DLGAP1: variants seen among roughly 807,000 people sequenced by gnomAD.
DLGAP1 encodes disks large-associated protein 1.
DLGAP1 carries 11 observed loss-of-function variants against 90.8 expected under a neutral mutation model. The observed-to-expected ratio is 0.12, with a 90% CI of 0.08 to 0.20. The LOEUF is 0.20. Among genes scored for constraint, DLGAP1 ranks in the 10% least tolerant of loss-of-function variants. The pLI is 1.00. For synonymous variants in DLGAP1, 558 were observed against 540.7 expected, an observed-to-expected ratio of 1.03 and a Z score of -0.44; for missense variants, 1,050 against 1,333.8, an observed-to-expected ratio of 0.79 and a Z score of 3.31.
At chr18:4,371,527 G>A (rs150502144) in intron 1 of DLGAP1, among the ~76,000 whole-genome samples, 77 of 152,308 alleles carry the variant, frequency 5.1e-4, no homozygotes, top group African/African-American at 1.3e-3. Context: ...CACTTCAAAT[G>A]TTATTTGCTC....
chr18:4,101,987 T>C (rs1240408243), intron 2 of DLGAP1, among the ~76,000 whole-genome samples: 4 of 151,564 alleles, frequency 2.6e-5, no homozygotes, highest in African/African-American at 4.8e-5. Flanking sequence ...TTTTGTGTAT[T>C]AAAATTTCAG....
At chr18:3,514,231 C>T (rs767811239) in intron 10 of DLGAP1, among the ~76,000 whole-genome samples, 1 of 152,062 alleles carries the variant, frequency 6.6e-6, no homozygotes, top group South Asian at 2.1e-4. Flanking sequence ...CTCAGCCTCC[C>T]GAGTAGCTGG....
At chr18:3,531,600 A>G (rs897573278) in intron 10 of DLGAP1, among the ~76,000 whole-genome samples, 1 of 151,898 alleles carries the variant, frequency 6.6e-6, no homozygotes, top group Non-Finnish European at 1.5e-5. Flanking sequence ...TCTCTGCCTC[A>G]GCCTCCCGAG....
In DLGAP1 at chr18:4,204,502, G is replaced by A. The variant is rs552721159; in HGVS notation, c.-266-53215C>T. ...TCTAGCAGTTTTAACTGACAGGACT[G>A]TTGTGGTTTTTTTTTTGTTTTTGTT... On this transcript the variant is annotated intron_variant, in intron 1 of 12. Coordinates refer to ENST00000315677, the MANE Select transcript of DLGAP1 (RefSeq NM_004746.4). Among the ~76,000 whole-genome samples the A allele has an allele frequency of 2.8e-5, 4 of 144,886 alleles. No individual in the cohort carries two copies. The East Asian group carries it at 7.9e-4, about 29-fold the overall frequency.
intron 1 of DLGAP1, among the ~76,000 whole-genome samples, chr18:4,440,005 A>C (rs2083493156): frequency 6.6e-6 from 1 of 151,144 alleles, no homozygotes; most frequent in Non-Finnish European, 1.5e-5. Flanking sequence ...CTGTTGTCTC[A>C]GCTACTCGGG....
intron 12 of DLGAP1, among the ~76,000 whole-genome samples, chr18:3,500,162 G>C (rs1292722601): frequency 1.3e-5 from 2 of 152,138 alleles, no homozygotes; most frequent in Non-Finnish European, 2.9e-5. Context: ...GCCATGAAAA[G>C]TTGACACAGG....
chr18:4,168,359 T>C (rs1215921429), intron 1 of DLGAP1, among the ~76,000 whole-genome samples: 4 of 152,184 alleles, frequency 2.6e-5, no homozygotes, highest in Non-Finnish European at 5.9e-5. Context: ...TCAGCAAATA[T>C]TGCTGAAGCA....
intron 7 of DLGAP1, among the ~76,000 whole-genome samples, chr18:3,645,657 G>A (rs1476261421): frequency 6.6e-6 from 1 of 152,270 alleles, no homozygotes; most frequent in Non-Finnish European, 1.5e-5. Context: ...AGAGTTCCTA[G>A]GCTGACTTCT....
At chr18:4,118,403 C>T (rs1193685783) in intron 2 of DLGAP1, among the ~76,000 whole-genome samples, 1 of 152,128 alleles carries the variant, frequency 6.6e-6, no homozygotes, top group Non-Finnish European at 1.5e-5. Context: ...CCTGGCTTGC[C>T]TTTCCTTGTA....
rs140998972 is a variant in DLGAP1 at position 3,525,460 on chromosome 18, C to T, written c.2479+8734G>A. Among the ~76,000 whole-genome samples the T allele has an allele frequency of 3.6e-3, 543 of 152,214 alleles. 5 individuals carry two copies. Among genetic ancestry groups the T allele is most frequent in the African/African-American group, 0.012 (516 of 41,538 alleles). Reference sequence around the variant, plus strand: ...TGTCACCCAGGCTGGAGTGCAGTGGCGTGATCTCGGCTCACTGCAACCTCC... The same window carrying T: ...TGTCACCCAGGCTGGAGTGCAGTGGTGTGATCTCGGCTCACTGCAACCTCC... On this transcript the variant is annotated intron_variant, in intron 10 of 12. Transcript: ENST00000315677.
Position 4,035,040 on chromosome 18 carries a change from G to A in DLGAP1, c.-158-29839C>T, listed in dbSNP as rs538852098. 6.6e-4 allele frequency among the ~76,000 whole-genome samples: 101 copies of A among 152,292 alleles called. 1 individual carries two copies. Among genetic ancestry groups the A allele is most frequent in the African/African-American group, 2.1e-3 (89 of 41,552 alleles). ...TTTTATGGCTGCATAGTATTCCATGGTGTATATGTGCCGCATTTTCTTAAT... is the reference window on the plus strand; with the variant it reads ...TTTTATGGCTGCATAGTATTCCATGATGTATATGTGCCGCATTTTCTTAAT... On this transcript the variant is annotated intron_variant, in intron 2 of 12. Transcript: ENST00000315677.
At chr18:4,446,988 C>G (rs2144877637) in intron 1 of DLGAP1, among the ~76,000 whole-genome samples, 1 of 152,296 alleles carries the variant, frequency 6.6e-6, no homozygotes, top group Non-Finnish European at 1.5e-5. Flanking sequence ...GATATCATTT[C>G]ATATCCATAA....
chr18:3,600,947 T>C (rs1251860590), intron 7 of DLGAP1, among the ~76,000 whole-genome samples: 3 of 81,034 alleles, frequency 3.7e-5, no homozygotes, highest in African/African-American at 1.4e-4. Flanking sequence ...TAGATAGATA[T>C]ATAGATATAT....
At chr18:3,750,981 T>C (rs776504418) in intron 5 of DLGAP1, among the ~76,000 whole-genome samples, 2 of 152,238 alleles carry the variant, frequency 1.3e-5, no homozygotes, top group South Asian at 4.1e-4. Context: ...GTGGCTTTTA[T>C]ACTTCTCTGT....
intron 1 of DLGAP1, among the ~76,000 whole-genome samples, chr18:4,427,515 G>A (rs771695618): frequency 6.6e-6 from 1 of 152,112 alleles, no homozygotes; most frequent in Non-Finnish European, 1.5e-5. Flanking sequence ...CTTCAGGGAG[G>A]TTTTGTAAAT....
intron 1 of DLGAP1, among the ~76,000 whole-genome samples, chr18:4,188,214 CT>C (rs2077333465): frequency 6.6e-6 from 1 of 152,068 alleles, no homozygotes; most frequent in Non-Finnish European, 1.5e-5. Flanking sequence ...CATTACTTTT[CT>C]TTTATCTCTA....
chr18:3,543,257 G>A (rs1025505689), intron 9 of DLGAP1, among the ~76,000 whole-genome samples: 5 of 139,094 alleles, frequency 3.6e-5, no homozygotes, highest in Admixed American at 1.5e-4. Context: ...TGCAAGCTCC[G>A]CCTCCCGCGT....
At chr18:3,984,418 C>T (rs912120581) in intron 3 of DLGAP1, among the ~76,000 whole-genome samples, 1 of 152,178 alleles carries the variant, frequency 6.6e-6, no homozygotes, top group Non-Finnish European at 1.5e-5. Context: ...CAAGTCTGCA[C>T]TGACTAAGTC....
chr18:3,895,393 C>A (rs1762312380), intron 3 of DLGAP1, among the ~76,000 whole-genome samples: 1 of 151,300 alleles, frequency 6.6e-6, no homozygotes, highest in African/African-American at 2.4e-5. Flanking sequence ...GTAGAGGTAG[C>A]AAATCTACAT....
Sources: allele counts gnomAD v4.1 joint callset (sites outside exome capture counted in the v4.1 genomes callset), GRCh38; gene constraint gnomAD v4.1.1; transcripts MANE v1.5; gene names NCBI Gene and HGNC (gene_info 2026-07-23, HGNC 2026-07-21).